CHMP4B: variants seen among roughly 807,000 people sequenced by gnomAD.
The protein encoded by CHMP4B is charged multivesicular body protein 4B.
Under a neutral mutation model 25.1 loss-of-function variants are expected in CHMP4B, and 1 was observed. The observed-to-expected ratio is 0.04, with a 90% CI of 0.01 to 0.19. CHMP4B has a LOEUF of 0.19. CHMP4B is among the 10% of genes least tolerant of loss of function. CHMP4B has a pLI of 1.00. For missense variants in CHMP4B, 151 were observed against 289.7 expected, an observed-to-expected ratio of 0.52 and a Z score of 3.48; for synonymous variants, 101 against 115.6, an observed-to-expected ratio of 0.87 and a Z score of 0.81.
chr20:33,832,192 G>A (rs1979271201), intron 1 of CHMP4B, among the ~76,000 whole-genome samples: 1 of 152,176 alleles, frequency 6.6e-6, no homozygotes, highest in African/African-American at 2.4e-5. Context: ...GTGCTCTCAT[G>A]CTTGCTCAGG....
chr20:33,828,073 C>T (rs1057026104), intron 1 of CHMP4B, among the ~76,000 whole-genome samples: 1 of 152,184 alleles, frequency 6.6e-6, no homozygotes, highest in East Asian at 1.9e-4. Flanking sequence ...ATTTACCCAC[C>T]TGGTTCTAAA....
At chr20:33,845,440 T>C (rs573959822) in intron 1 of CHMP4B, among the ~76,000 whole-genome samples, 182 of 151,636 alleles carry the variant, frequency 1.2e-3, no homozygotes, top group African/African-American at 4.1e-3. Context: ...CTCCTGCCTC[T>C]GCCTCCCGAG....
At chr20:33,848,819 A>C (rs541308664) in intron 2 of CHMP4B, among the ~76,000 whole-genome samples, 175 bp downstream of exon 2, 1 of 151,516 alleles carries the variant, frequency 6.6e-6, no homozygotes, top group East Asian at 1.9e-4. Flanking sequence ...CTTTGAAAGG[A>C]GATCTCATGG....
chr20:33,849,679 A>C (rs1370959247), intron 2 of CHMP4B, among the ~76,000 whole-genome samples: 1 of 152,220 alleles, frequency 6.6e-6, no homozygotes, highest in Non-Finnish European at 1.5e-5. Flanking sequence ...TGGGGGTGCT[A>C]GGTGCCTTTT....
At chr20:33,831,600 G>A (rs1490921033) in intron 1 of CHMP4B, among the ~76,000 whole-genome samples, 1 of 150,398 alleles carries the variant, frequency 6.6e-6, no homozygotes, top group Non-Finnish European at 1.5e-5. Flanking sequence ...TCTTGAACTC[G>A]TGGCCTCAAG....
intron 1 of CHMP4B, among the ~76,000 whole-genome samples, chr20:33,834,224 GTT>G (rs1003081549): frequency 1.3e-5 from 2 of 151,868 alleles, no homozygotes; most frequent in African/African-American, 4.8e-5. Flanking sequence ...TTTCTCTTTT[GTT>G]TCTTTTTTGT....
chr20:33,817,246 T>C (rs1978807396), intron 1 of CHMP4B, among the ~76,000 whole-genome samples: 1 of 152,204 alleles, frequency 6.6e-6, no homozygotes, highest in Non-Finnish European at 1.5e-5. Flanking sequence ...GTTGGCTAGA[T>C]TGAGTTTGGT....
intron 1 of CHMP4B, among the ~76,000 whole-genome samples, chr20:33,841,041 G>A (rs1270352378): frequency 6.6e-6 from 1 of 152,082 alleles, no homozygotes; most frequent in African/African-American, 2.4e-5. Context: ...TGCCTTTTAC[G>A]GAACACACTT....
Position 33,852,214 on chromosome 20 carries a change from C to G in CHMP4B, c.610+11C>G. ...TACCATCAAAACCCGGTGAGTGCTT[C>G]TAGAGTCATGGCACACCGTGAGGTC... is the stretch of plus-strand genomic sequence containing the variant. On this transcript the variant is annotated intron_variant, in intron 4 of 4. Transcript: ENST00000217402. 6.2e-7 allele frequency: 1 copy of G among 1,614,014 alleles called. No homozygotes were observed. The highest frequency in any genetic ancestry group is 2.2e-5 in the East Asian group (1 of 44,882).
At chr20:33,842,544 G>A (rs1049872415) in intron 1 of CHMP4B, among the ~76,000 whole-genome samples, 3 of 152,314 alleles carry the variant, frequency 2.0e-5, no homozygotes, top group East Asian at 3.9e-4. Flanking sequence ...AGCCTTGCTC[G>A]GCTCCCTGCC....
intron 1 of CHMP4B, among the ~76,000 whole-genome samples, chr20:33,827,283 G>T (rs736953): frequency 0.48 from 73,520 of 152,104 alleles, 18,642 homozygotes; most frequent in East Asian, 0.9. Context: ...AAAATGGGAA[G>T]ATGGATTAAA....
chr20:33,814,055 T>C (rs778275786), intron 1 of CHMP4B, among the ~76,000 whole-genome samples: 1 of 152,190 alleles, frequency 6.6e-6, no homozygotes, highest in Admixed American at 6.5e-5. Context: ...GGCGATCGAA[T>C]TGACTTTCAA....
chr20:33,848,455 T>C lies in CHMP4B; in HGVS notation c.191-12T>C. On this transcript the variant is annotated splice_polypyrimidine_tract_variant and intron_variant, in intron 1 of 4. Transcript: ENST00000217402. The stretch of plus-strand genomic sequence containing the variant: ...CGGGACTCTCTGAAACCCTGTTTTC[T>C]CCCTCACGCAGCGGCCCTCCAGGCA... 2 of 1,613,890 alleles carry C rather than the reference T, an allele frequency of 1.2e-6. No individual in the cohort carries two copies. Among genetic ancestry groups the C allele is most frequent in the Non-Finnish European group, 1.7e-6 (2 of 1,179,964 alleles).
chr20:33,843,677 T>G (rs1025714868), intron 1 of CHMP4B, among the ~76,000 whole-genome samples: 1 of 152,208 alleles, frequency 6.6e-6, no homozygotes, highest in African/African-American at 2.4e-5. Context: ...GAAGTTTTAC[T>G]AAGTGTAATA....
intron 1 of CHMP4B, among the ~76,000 whole-genome samples, chr20:33,840,245 CAA>C (rs113894341): frequency 4.1e-5 from 4 of 98,056 alleles, no homozygotes; most frequent in Admixed American, 1.2e-4. Flanking sequence ...GACTCCATCT[CAA>C]AAAAAAAAAA....
chr20:33,823,538 ATATTT>A (rs1979003806), intron 1 of CHMP4B, among the ~76,000 whole-genome samples: 1 of 151,764 alleles, frequency 6.6e-6, no homozygotes, highest in African/African-American at 2.4e-5. Flanking sequence ...AACTTGGCTA[ATATTT>A]TATTTTATTT....
chr20:33,829,997 C>A (rs563584757), intron 1 of CHMP4B, among the ~76,000 whole-genome samples: 1 of 152,308 alleles, frequency 6.6e-6, no homozygotes, highest in South Asian at 2.1e-4. Context: ...GGCCCATTCC[C>A]CCACTCCCAT....
chr20:33,839,500 A>G (rs1282568629), intron 1 of CHMP4B, among the ~76,000 whole-genome samples: 2 of 152,244 alleles, frequency 1.3e-5, no homozygotes, highest in Non-Finnish European at 2.9e-5. Flanking sequence ...TTGGATTTTT[A>G]TCCCATGTGT....
intron 1 of CHMP4B, among the ~76,000 whole-genome samples, chr20:33,842,288 G>A (rs1979565196): frequency 6.6e-6 from 1 of 152,080 alleles, no homozygotes; most frequent in African/African-American, 2.4e-5. Context: ...GATTGGGCAT[G>A]TTCAGGGTGG....
Sources: gnomAD v4.1 joint callset for allele counts (sites outside exome capture counted in the v4.1 genomes callset) on GRCh38, gnomAD v4.1.1 for gene constraint, MANE v1.5 for transcripts, NCBI Gene and HGNC (gene_info 2026-07-23, HGNC 2026-07-21) for gene names.